Variants in PSMG2 observed in about 807,000 individuals in gnomAD.
PSMG2 encodes the protein CD40 ligand-activated specific transcript 3.
In PSMG2, 21 loss-of-function variants were observed where a neutral mutation model predicts 31.5. The observed-to-expected ratio is 0.67, with a 90% CI of 0.47 to 0.96. PSMG2 has a LOEUF of 0.96. PSMG2 is among the 40% of genes least tolerant of loss of function. PSMG2 has a pLI of 0.00. For synonymous variants in PSMG2, 120 were observed against 110.4 expected (o/e 1.09, Z -0.54); for missense variants, 318 against 321.2 (o/e 0.99, Z 0.08).
At chr18:12,713,745 C>G (rs1433499638) in intron 3 of PSMG2, among the ~76,000 whole-genome samples, 2 of 152,010 alleles carry the variant, frequency 1.3e-5, no homozygotes, top group Non-Finnish European at 2.9e-5. Context: ...ATCTGCTACC[C>G]TGCAAACTCA....
chr18:12,678,556 T>A, intron 1 of PSMG2: 1 of 647,200 alleles, frequency 1.5e-6, no homozygotes, highest in Non-Finnish European at 2.6e-6. Context: ...AACTACAGTT[T>A]AATACTTGTT....
chr18:12,724,386 C>T (rs1431026256), intron 5 of PSMG2, 113 bp from the exon 6 acceptor site: 6 of 1,065,128 alleles, frequency 5.6e-6, no homozygotes, highest in African/African-American at 1.7e-5. Context: ...TATGGTGTGG[C>T]GTCTTTTCCT....
chr18:12,682,482 C>A (rs961077003), intron 1 of PSMG2, among the ~76,000 whole-genome samples: 3 of 152,074 alleles, frequency 2.0e-5, no homozygotes, highest in African/African-American at 7.2e-5. Flanking sequence ...AGCCACCTTA[C>A]CTGGCCAAGA....
chr18:12,686,749 G>A (rs1213305108), intron 1 of PSMG2: 1 of 238,918 alleles, frequency 4.2e-6, no homozygotes, highest in East Asian at 1.1e-4. Flanking sequence ...TGAGAAATGT[G>A]TGGGTAGGTA....
Position 12,725,679 on chromosome 18 carries a change from A to G in PSMG2, c.*148A>G, listed in dbSNP as rs901092602. The G allele has an allele frequency of 8.3e-6, 4 of 482,628 alleles. No homozygotes were observed. The highest frequency in any genetic ancestry group is 4.2e-5 in the Admixed American group (1 of 24,090). The allele number at this position is 482,628 out of a possible 1,614,324, so 29.9% of individuals were successfully genotyped here. ...AAAAAAGATTAAGGGTCTCTTTGCC[A>G]TGCTTTTCATCATATGCACCAAATG... On this transcript the variant is annotated 3_prime_UTR_variant, in exon 7 of 7. Transcript: ENST00000317615.
chr18:12,715,493 A>G (rs1363394681), intron 3 of PSMG2, among the ~76,000 whole-genome samples: 1 of 151,990 alleles, frequency 6.6e-6, no homozygotes, highest in Non-Finnish European at 1.5e-5. Flanking sequence ...GGTTAACTGC[A>G]TAGTACTTTT....
intron 1 of PSMG2, among the ~76,000 whole-genome samples, chr18:12,691,969 T>C (rs149387354): frequency 1.2e-4 from 18 of 152,206 alleles, no homozygotes; most frequent in East Asian, 7.8e-4. Flanking sequence ...TCCGCCCGCC[T>C]TGGCCTCCCA....
chr18:12,669,708 A>G, intron 1 of PSMG2, among the ~76,000 whole-genome samples: 1 of 152,322 alleles, frequency 6.6e-6, no homozygotes, highest in Middle Eastern at 3.4e-3. Context: ...TAATTCTTAA[A>G]AAGAAAAATT....
At chr18:12,704,003 T>G (rs1164100960) in intron 1 of PSMG2, among the ~76,000 whole-genome samples, 1 of 152,078 alleles carries the variant, frequency 6.6e-6, no homozygotes, top group Non-Finnish European at 1.5e-5. Flanking sequence ...ATGCACTGTT[T>G]GGAGTGGTAT....
At chr18:12,672,649 A>G (rs921586744) in intron 1 of PSMG2, 7 of 982,760 alleles carry the variant, frequency 7.1e-6, no homozygotes, top group Non-Finnish European at 8.5e-6. Context: ...CAAGATCACA[A>G]TTTATCAGTA....
At chr18:12,719,743 C>T (rs2040412930) in intron 4 of PSMG2, among the ~76,000 whole-genome samples, 1 of 135,124 alleles carries the variant, frequency 7.4e-6, no homozygotes, top group African/African-American at 2.8e-5. Flanking sequence ...GAGTCTTTCT[C>T]AGTTGCCCAG....
At chr18:12,683,204 A>AAAAAAAAAAAAAAT (rs2039413427) in intron 1 of PSMG2, among the ~76,000 whole-genome samples, 1 of 148,110 alleles carries the variant, frequency 6.8e-6, no homozygotes. Flanking sequence ...AAAAAAAAAA[A>AAAAAAAAAAAAAAT]GCCAGGCATG....
chr18:12,702,433 G>A (rs374087254), upstream of PSMG2: 6 of 1,408,406 alleles, frequency 4.3e-6, no homozygotes, highest in South Asian at 3.5e-5. Context: ...CCGGGCAGGA[G>A]GGAAAGGTTA....
Position 12,720,529 on chromosome 18 carries a change from C to CT in PSMG2, c.429dup (p.Thr144TyrfsTer11). 1 of 1,609,318 alleles carries CT rather than the reference C, an allele frequency of 6.2e-7. No individual in the cohort carries two copies. Among genetic ancestry groups the CT allele is most frequent in the Non-Finnish European group, 8.5e-7 (1 of 1,178,200 alleles). On this transcript the variant is annotated frameshift_variant, in exon 5 of 7. Transcript: ENST00000317615. LOFTEE classifies it high-confidence loss of function. ...TTCTAGTACTCCCTTCCGGTACCTA[C>CT]TTACACCTTCCATGCAAAAAAGTGT...
At position 12,715,655 on chromosome 18, in the gene PSMG2, G is replaced by A. The variant is rs1384070786; in HGVS notation, c.289-2862G>A. Among the ~76,000 whole-genome samples, 24 of 151,918 alleles carry A rather than the reference G, an allele frequency of 1.6e-4. 1 individual carries two copies. The highest frequency in any genetic ancestry group is 1.4e-3 in the Admixed American group (22 of 15,250). On this transcript the variant is annotated intron_variant, in intron 3 of 6. Coordinates refer to ENST00000317615, the MANE Select transcript of PSMG2 (RefSeq NM_020232.5). ...TGAGTAACTGGGATTACAGGTGCCCGCCACCACGCCTGGCTACTTTTTGTA... is the reference window on the plus strand; with the variant it reads ...TGAGTAACTGGGATTACAGGTGCCCACCACCACGCCTGGCTACTTTTTGTA...
chr18:12,677,664 C>G (rs975591545), intron 1 of PSMG2, among the ~76,000 whole-genome samples: 3 of 151,870 alleles, frequency 2.0e-5, no homozygotes, highest in Non-Finnish European at 2.9e-5. Context: ...TCACCATATT[C>G]CCCAGGCTGG....
Position 12,703,084 on chromosome 18 carries a change from C to T in PSMG2, c.-24C>T. 2 of 1,609,866 alleles carry T rather than the reference C, an allele frequency of 1.2e-6. No individual in the cohort carries two copies. Among genetic ancestry groups the T allele is most frequent in the East Asian group, 2.2e-5 (1 of 44,634 alleles). On this transcript the variant is annotated 5_prime_UTR_variant, in exon 1 of 7. Coordinates refer to ENST00000317615, the MANE Select transcript of PSMG2 (RefSeq NM_020232.5). ...GTTCTTGCCAGGGCCGCGGTTAGTC[C>T]CTGCTGGCCACCCCACTGCGACCAT... is the stretch of plus-strand genomic sequence containing the variant.
chr18:12,704,560 G>A (rs1165413156), intron 1 of PSMG2, among the ~76,000 whole-genome samples: 1 of 152,204 alleles, frequency 6.6e-6, no homozygotes, highest in Non-Finnish European at 1.5e-5. Flanking sequence ...CTGCACTCCA[G>A]CCTGGGCGAC....
chr18:12,662,201 A>G (rs1367953040), intron 1 of PSMG2: 3 of 447,108 alleles, frequency 6.7e-6, no homozygotes, highest in Non-Finnish European at 1.3e-5. Context: ...GAAAAAAAAA[A>G]AACAGCATAT....
Sources: allele counts gnomAD v4.1 joint callset (sites outside exome capture counted in the v4.1 genomes callset), GRCh38; gene constraint gnomAD v4.1.1; transcripts MANE v1.5; gene names NCBI Gene and HGNC (gene_info 2026-07-23, HGNC 2026-07-21).